Variants in SOX6 observed in about 807,000 individuals in gnomAD.
SOX6 encodes the protein transcription factor SOX-6.
SOX6 carries 11 observed loss-of-function variants against 97.8 expected under a neutral mutation model. The observed-to-expected ratio is 0.11, with a 90% CI of 0.07 to 0.19. The LOEUF (loss-of-function observed/expected upper bound fraction) is 0.19, where lower values mean the gene tolerates loss of function less well. Among genes scored for constraint, SOX6 ranks in the 10% least tolerant of loss-of-function variants. SOX6 has a pLI of 1.00. For missense variants in SOX6, 810 were observed against 1,039.5 expected (o/e 0.78, Z 3.04); for synonymous variants, 360 against 371.4 (o/e 0.97, Z 0.35).
chr11:15,978,255 C>G (rs1009061747), intron 15 of SOX6, among the ~76,000 whole-genome samples: 4 of 151,942 alleles, frequency 2.6e-5, no homozygotes, highest in African/African-American at 9.7e-5. Flanking sequence ...AAAAAGTTGT[C>G]TTTCTTCATT....
At chr11:16,704,927 G>GA (rs1848120391) in intron 3 of SOX6, among the ~76,000 whole-genome samples, 1 of 152,040 alleles carries the variant, frequency 6.6e-6, no homozygotes, top group Non-Finnish European at 1.5e-5. Context: ...TATTTAACAG[G>GA]AAAAAATATA....
At chr11:16,059,417 A>C (rs1847893674) in intron 9 of SOX6, among the ~76,000 whole-genome samples, 1 of 152,054 alleles carries the variant, frequency 6.6e-6, no homozygotes, top group Non-Finnish European at 1.5e-5. Context: ...CACGGAGAAA[A>C]TAGCTCAAAC....
At chr11:16,601,178 T>A (rs1460517285) in intron 4 of SOX6, among the ~76,000 whole-genome samples, 1 of 152,214 alleles carries the variant, frequency 6.6e-6, no homozygotes, top group Non-Finnish European at 1.5e-5. Flanking sequence ...TATCATTAAA[T>A]CTCATATACC....
At chr11:16,144,679 TC>T (rs1466945502) in intron 6 of SOX6, among the ~76,000 whole-genome samples, 1 of 152,020 alleles carries the variant, frequency 6.6e-6, no homozygotes, top group African/African-American at 2.4e-5. Context: ...TCACCACCAA[TC>T]CCACAGAAAT....
At chr11:16,641,759 G>A (rs1848918301) in intron 3 of SOX6, among the ~76,000 whole-genome samples, 1 of 151,958 alleles carries the variant, frequency 6.6e-6, no homozygotes, top group Admixed American at 6.6e-5. Flanking sequence ...CATTTGCTTG[G>A]TACATCTTCC....
intron 13 of SOX6, among the ~76,000 whole-genome samples, chr11:15,991,085 T>A (rs1227110217): frequency 1.3e-5 from 2 of 152,194 alleles, no homozygotes; most frequent in African/African-American, 2.4e-5. Flanking sequence ...GAAAGGCTAC[T>A]TTCTGAAGAT....
intron 7 of SOX6, among the ~76,000 whole-genome samples, chr11:16,105,279 C>A (rs1262415153): frequency 6.6e-6 from 1 of 151,676 alleles, no homozygotes; most frequent in Admixed American, 6.6e-5. Context: ...GAAAAAAAAA[C>A]CAACATGATC....
At chr11:16,600,783 T>C (rs1451995374) in intron 4 of SOX6, among the ~76,000 whole-genome samples, 1 of 152,170 alleles carries the variant, frequency 6.6e-6, no homozygotes, top group Non-Finnish European at 1.5e-5. Context: ...GAATAAATAA[T>C]GAATATATAA....
intron 3 of SOX6, among the ~76,000 whole-genome samples, chr11:16,280,993 C>A (rs898536195): frequency 3.9e-5 from 6 of 151,980 alleles, no homozygotes; most frequent in African/African-American, 7.2e-5. Context: ...GTACAATTGT[C>A]ATTAATTTAA....
chr11:16,361,346 C>T (rs1488323271), upstream of SOX6, among the ~76,000 whole-genome samples: 1 of 152,092 alleles, frequency 6.6e-6, no homozygotes, highest in African/African-American at 2.4e-5. Context: ...GATTAAACAA[C>T]TCTCACGTCT....
At chr11:16,349,757 A>AAGGG in intron 1 of SOX6, among the ~76,000 whole-genome samples, 1 of 148,524 alleles carries the variant, frequency 6.7e-6, no homozygotes, top group Non-Finnish European at 1.5e-5. Flanking sequence ...GGAAGGAAGG[A>AAGGG]AGGGAAGGAA....
intron 3 of SOX6, among the ~76,000 whole-genome samples, chr11:16,628,787 G>T (rs1182033551): frequency 2.0e-5 from 3 of 152,068 alleles, no homozygotes; most frequent in Admixed American, 2.0e-4. Flanking sequence ...TGTCATCTAT[G>T]ATTTCTTTTA....
chr11:16,243,399 A>G (rs980028556), intron 3 of SOX6, among the ~76,000 whole-genome samples: 6 of 151,922 alleles, frequency 3.9e-5, no homozygotes, highest in Non-Finnish European at 8.8e-5. Flanking sequence ...GTGTTTTTCC[A>G]TAATGCTTAA....
intron 4 of SOX6, among the ~76,000 whole-genome samples, chr11:16,499,761 A>G (rs947341720): frequency 6.6e-6 from 1 of 152,224 alleles, no homozygotes; most frequent in African/African-American, 2.4e-5. Context: ...CTAAACCAGG[A>G]AGAAGTTGAA....
intron 4 of SOX6, among the ~76,000 whole-genome samples, chr11:16,217,607 T>A (rs1196909287): frequency 2.0e-5 from 3 of 152,120 alleles, no homozygotes; most frequent in Non-Finnish European, 4.4e-5. Context: ...AACCATATAG[T>A]TTCTAGCCAA....
intron 4 of SOX6, among the ~76,000 whole-genome samples, chr11:16,594,107 A>G (rs1848183682): frequency 6.6e-6 from 1 of 152,184 alleles, no homozygotes; most frequent in South Asian, 2.1e-4. Flanking sequence ...CTGTTAATTA[A>G]AAGTCAAGCT....
At chr11:16,250,419 T>C (rs1374667818) in intron 3 of SOX6, among the ~76,000 whole-genome samples, 1 of 152,070 alleles carries the variant, frequency 6.6e-6, no homozygotes, top group Non-Finnish European at 1.5e-5. Context: ...GCATGACATA[T>C]TAAAGAAAGA....
At chr11:16,028,886 T>C (rs1159216530) in intron 12 of SOX6, among the ~76,000 whole-genome samples, 1 of 152,192 alleles carries the variant, frequency 6.6e-6, no homozygotes, top group Non-Finnish European at 1.5e-5. Context: ...AAACTTGAAA[T>C]ATTTACAATG....
At chr11:16,297,954 T>C (rs1018571495) in intron 3 of SOX6, among the ~76,000 whole-genome samples, 4 of 152,156 alleles carry the variant, frequency 2.6e-5, no homozygotes, top group Admixed American at 2.6e-4. Flanking sequence ...GTTTCAAAAT[T>C]CTGGAGTCTC....
Sources: gnomAD v4.1 joint callset for allele counts (sites outside exome capture counted in the v4.1 genomes callset) on GRCh38, gnomAD v4.1.1 for gene constraint, MANE v1.5 for transcripts, NCBI Gene and HGNC (gene_info 2026-07-23, HGNC 2026-07-21) for gene names.